The following PLXDC1 variants were observed in gnomAD, a reference collection of about 807,000 sequenced individuals.
The protein encoded by PLXDC1 is plexin domain-containing protein 1.
A neutral mutation model predicts 61.3 loss-of-function variants in PLXDC1; 39 were observed. That is an observed-to-expected ratio of 0.64 (90% CI 0.49 to 0.83). The LOEUF (loss-of-function observed/expected upper bound fraction) is 0.83, where lower values mean the gene tolerates loss of function less well. Among genes scored for constraint, PLXDC1 ranks in the 40% least tolerant of loss-of-function variants. The pLI is 0.00. For missense variants in PLXDC1, 596 were observed against 666.5 expected (o/e 0.89, Z 1.17); for synonymous variants, 212 against 254.5 (o/e 0.83, Z 1.59).
intron 2 of PLXDC1, among the ~76,000 whole-genome samples, chr17:39,118,322 C>T (rs1452299051): frequency 6.6e-6 from 1 of 151,950 alleles, no homozygotes; most frequent in Non-Finnish European, 1.5e-5. Flanking sequence ...TCCTGCCTCA[C>T]CCTCCAGAGT....
At chr17:39,106,740 C>T (rs1910606943) in intron 6 of PLXDC1, among the ~76,000 whole-genome samples, 1 of 150,446 alleles carries the variant, frequency 6.6e-6, no homozygotes, top group Non-Finnish European at 1.5e-5. Context: ...ACCTCCAACT[C>T]CTGGGTTCAA....
chr17:39,135,594 T>C (rs1226784286), intron 2 of PLXDC1, among the ~76,000 whole-genome samples: 1 of 151,354 alleles, frequency 6.6e-6, no homozygotes, highest in African/African-American at 2.4e-5. Context: ...GGAGAAACAC[T>C]TGAACCTCGG....
At chr17:39,107,605 A>G (rs554360371) in intron 5 of PLXDC1, 80 bp from the exon 6 acceptor site, 3 of 1,039,780 alleles carry the variant, frequency 2.9e-6, no homozygotes, top group East Asian at 4.7e-5. Flanking sequence ...GTCGGAGGGC[A>G]GCGGCCACAG....
chr17:39,079,686 AGCT>A, intron 9 of PLXDC1: 1 of 393,882 alleles, frequency 2.5e-6, no homozygotes, highest in South Asian at 1.9e-5. Flanking sequence ...TGGACAGCTC[AGCT>A]GGGCTGGAAG....
At chr17:39,107,929 C>T in intron 5 of PLXDC1, 194 bp downstream of exon 5, 4 of 588,596 alleles carry the variant, frequency 6.8e-6, no homozygotes, top group Non-Finnish European at 1.2e-5. Flanking sequence ...GTTTTGTTAT[C>T]TCATCAGATT....
chr17:39,137,045 T>C (rs1911776104), intron 2 of PLXDC1, among the ~76,000 whole-genome samples: 1 of 152,032 alleles, frequency 6.6e-6, no homozygotes, highest in Non-Finnish European at 1.5e-5. Flanking sequence ...ATTGAAACAG[T>C]CCCCCAACGT....
intron 7 of PLXDC1, among the ~76,000 whole-genome samples, chr17:39,088,707 G>A (rs1230556647): frequency 6.6e-5 from 10 of 152,048 alleles, no homozygotes; most frequent in Non-Finnish European, 1.3e-4. Flanking sequence ...TTGGGAGGCC[G>A]AGGCAGGTGG....
chr17:39,108,083 C>T (rs1417892659), intron 5 of PLXDC1, 40 bp downstream of exon 5: 4 of 1,613,566 alleles, frequency 2.5e-6, no homozygotes, highest in Admixed American at 1.7e-5. Flanking sequence ...ACAAGGGATC[C>T]CTGGAGCTGG....
chr17:39,077,848 C>G, intron 11 of PLXDC1, 65 bp downstream of exon 11: 1 of 1,575,040 alleles, frequency 6.3e-7, no homozygotes, highest in Non-Finnish European at 8.7e-7. Context: ...AGAGGGGGCC[C>G]CAGAGGGGTG....
chr17:39,128,177 A>G (rs1208497021), intron 2 of PLXDC1, among the ~76,000 whole-genome samples: 2 of 130,892 alleles, frequency 1.5e-5, no homozygotes, highest in Admixed American at 8.0e-5. Flanking sequence ...ATATATGTAT[A>G]TATATATGTG....
chr17:39,119,470 C>T (rs955896254), intron 2 of PLXDC1, among the ~76,000 whole-genome samples: 2 of 152,124 alleles, frequency 1.3e-5, no homozygotes, highest in African/African-American at 4.8e-5. Flanking sequence ...TTAGATCGGG[C>T]GTGGAGGCTC....
intron 2 of PLXDC1, among the ~76,000 whole-genome samples, chr17:39,118,243 C>T (rs1194906202): frequency 2.0e-5 from 3 of 151,642 alleles, no homozygotes; most frequent in Non-Finnish European, 2.9e-5. Context: ...TCGTTCTTGT[C>T]GCCCAGGCTG....
chr17:39,128,588 C>T (rs1045101924), intron 2 of PLXDC1, among the ~76,000 whole-genome samples: 1 of 152,100 alleles, frequency 6.6e-6, no homozygotes, highest in Non-Finnish European at 1.5e-5. Context: ...AACCCTCATA[C>T]ATTGCTGGTG....
intron 2 of PLXDC1, among the ~76,000 whole-genome samples, 179 bp from the exon 3 acceptor site, chr17:39,109,570 C>T (rs1246046866): frequency 3.9e-5 from 6 of 152,164 alleles, no homozygotes; most frequent in Non-Finnish European, 8.8e-5. Flanking sequence ...CCCCTTGGCC[C>T]CAGACAGCTC....
intron 11 of PLXDC1, among the ~76,000 whole-genome samples, chr17:39,073,605 C>T (rs894869459): frequency 6.6e-6 from 1 of 152,234 alleles, no homozygotes; most frequent in Non-Finnish European, 1.5e-5. Flanking sequence ...CTCCCACTCA[C>T]CAAGGGCTGG....
intron 2 of PLXDC1, among the ~76,000 whole-genome samples, chr17:39,127,825 G>A (rs1911355426): frequency 6.6e-6 from 1 of 150,938 alleles, no homozygotes; most frequent in South Asian, 2.1e-4. Context: ...CATGATGGTG[G>A]CGGGCGCCTG....
chr17:39,128,165 A>ATATATGTGTATATG (rs1555573217), intron 2 of PLXDC1, among the ~76,000 whole-genome samples: 149 of 99,140 alleles, frequency 1.5e-3, no homozygotes, highest in African/African-American at 6.1e-3. Flanking sequence ...ATATATATGT[A>ATATATGTGTATATG]TATATATGTA....
chr17:39,101,383 C>G (rs139286284), intron 7 of PLXDC1, among the ~76,000 whole-genome samples: 2 of 152,242 alleles, frequency 1.3e-5, no homozygotes, highest in Non-Finnish European at 2.9e-5. Flanking sequence ...GGCACAAAGG[C>G]CTCATGAGGA....
At chr17:39,118,367 C>T (rs1332235838) in intron 2 of PLXDC1, among the ~76,000 whole-genome samples, 2 of 151,952 alleles carry the variant, frequency 1.3e-5, no homozygotes, top group Non-Finnish European at 2.9e-5. Flanking sequence ...CCACACCCAG[C>T]TAATTTTGTA....
Sources: allele counts gnomAD v4.1 joint callset (sites outside exome capture counted in the v4.1 genomes callset), GRCh38; gene constraint gnomAD v4.1.1; transcripts MANE v1.5; gene names NCBI Gene and HGNC (gene_info 2026-07-23, HGNC 2026-07-21).